KIF21B: variants seen among roughly 807,000 people sequenced by gnomAD.
The protein encoded by KIF21B is kinesin family member 21B.
A neutral mutation model predicts 192.9 loss-of-function variants in KIF21B; 85 were observed. The ratio of observed to expected loss-of-function variants is 0.44; its 90% CI spans 0.37 to 0.53. KIF21B has a LOEUF of 0.53. Ranked by LOEUF, KIF21B falls within the 20% of genes least tolerant of loss-of-function variation. The pLI is 0.00. For missense variants in KIF21B, 1,716 were observed against 2,194.8 expected (o/e 0.78, Z 4.36); for synonymous variants, 832 against 884.6 (o/e 0.94, Z 1.05).
At chr1:201,021,600 G>C (rs1286226490) in intron 1 of KIF21B, among the ~76,000 whole-genome samples, 3 of 152,210 alleles carry the variant, frequency 2.0e-5, no homozygotes, top group African/African-American at 7.2e-5. Flanking sequence ...GAGAACATCA[G>C]CTTCTCCTCA....
chr1:200,980,331 T>G (rs912382292), intron 29 of KIF21B, among the ~76,000 whole-genome samples: 10 of 152,332 alleles, frequency 6.6e-5, no homozygotes, highest in African/African-American at 2.4e-4. Flanking sequence ...CACAGCTCAC[T>G]GCAGCCTTGA....
chr1:201,003,257 C>T (rs903132106), intron 8 of KIF21B: 2 of 397,686 alleles, frequency 5.0e-6, no homozygotes, highest in African/African-American at 4.1e-5. Context: ...TCCAACACAA[C>T]ACATTCAGCA....
At position 200,981,057 on chromosome 1, in the gene KIF21B, C is replaced by G; in HGVS notation, c.3882G>C (p.Arg1294=). Residue 1294 remains arginine (R), a synonymous_variant, in exon 29 of 35, where the codon CGG becomes CGC. Transcript: ENST00000461742. ...ISPVGGAKGA[R]TAPLQCVSMA... is the part of the protein sequence containing the mutation. ...TGGAGACACACTGCAGTGGGGCCGT[C>G]CGTGCACCCTTGGCTCCTCCAACCG... The G allele has an allele frequency of 1.9e-6, 3 of 1,607,574 alleles. No homozygotes were observed. Among genetic ancestry groups the G allele is most frequent in the Non-Finnish European group, 2.5e-6 (3 of 1,177,706 alleles).
At chr1:200,983,455 G>A (rs1656085270) in intron 27 of KIF21B, among the ~76,000 whole-genome samples, 1 of 152,182 alleles carries the variant, frequency 6.6e-6, no homozygotes, top group Admixed American at 6.5e-5. Flanking sequence ...GGGGGCACCT[G>A]CCCCACCCCA....
chr1:201,000,380 C>A lies in KIF21B; in HGVS notation c.1685+10G>T. The stretch of plus-strand genomic sequence containing the variant: ...AGGGCTCTCAGGGGCGGGGACGACA[C>A]TCCACTCACCTCTTCCTCCGCTGCC... On this transcript the variant is annotated intron_variant, in intron 11 of 34. Transcript: ENST00000461742. The surrounding 1 kb of genome is among the most constrained non-coding windows in gnomAD (Gnocchi z 6.0). 6.5e-7 allele frequency: 1 copy of A among 1,543,906 alleles called. No homozygotes were observed. Among genetic ancestry groups the A allele is most frequent in the Non-Finnish European group, 8.7e-7 (1 of 1,155,120 alleles).
chr1:201,015,936 T>A (rs1471987892), intron 1 of KIF21B, among the ~76,000 whole-genome samples: 2 of 152,346 alleles, frequency 1.3e-5, no homozygotes, highest in East Asian at 3.9e-4. Flanking sequence ...TCTTGCCTTG[T>A]TCTACGTGTT....
chr1:201,009,524 G>A lies in KIF21B; in HGVS notation c.42-36C>T, dbSNP rs768134748. ...TGGAGAGAGCCCTGGGTCAGGCCCA[G>A]CTAGAAGGGGGCTGCCACAGGCCCC... On this transcript the variant is annotated intron_variant, in intron 1 of 34. Coordinates refer to ENST00000461742, the MANE Select transcript of KIF21B (RefSeq NM_001252102.2). The A allele has an allele frequency of 1.9e-6, 3 of 1,581,568 alleles. No homozygotes were observed. In the East Asian group the frequency reaches 6.7e-5, roughly 35 times the overall value.
At chr1:201,018,670 G>A (rs957957) in intron 1 of KIF21B, among the ~76,000 whole-genome samples, 85,029 of 152,048 alleles carry the variant, frequency 0.56, 26,173 homozygotes, top group African/African-American at 0.84. Flanking sequence ...TCCTCCATTT[G>A]CCACCTGTGT....
chr1:200,973,444 G>A lies in KIF21B; in HGVS notation c.*77C>T. ...GTCCCCAGAGCAGCTGGCCCCATCG[G>A]CCGGGTCACAGCTTCCCTTCCATGG... On this transcript the variant is annotated 3_prime_UTR_variant, in exon 35 of 35. Transcript: ENST00000461742. 1.9e-5 allele frequency: 26 copies of A among 1,376,326 alleles called. No homozygotes were observed. Among genetic ancestry groups the A allele is most frequent in the Non-Finnish European group, 2.4e-5 (26 of 1,072,582 alleles). The allele number at this position is 1,376,326 out of a possible 1,614,324, so 85.3% of individuals were successfully genotyped here. A position where few individuals can be genotyped will look rare whatever the true frequency, so the allele number is the denominator to read the frequency against.
Position 201,023,345 on chromosome 1 carries a change from G to A in KIF21B, c.39C>T (p.Val13=), listed in dbSNP as rs765402849. ...CCTTCCCCGCCCCGGGTCCCTACCT[G>A]ACGGCCACCTTGACGCAGCAGTCCC... ...GQGDCCVKVA[V]RIRPQLSKEK... The change falls in exon 1 of 35, where the codon GTC becomes GTT. Residue 13 remains valine (V), a splice_region_variant and synonymous_variant. Coordinates refer to ENST00000461742, the MANE Select transcript of KIF21B (RefSeq NM_001252102.2). This position sits in a 1 kb window ranked among gnomAD's most constrained non-coding sequence, Gnocchi z 5.9. 6.3e-4 allele frequency: 967 copies of A among 1,530,894 alleles called. No homozygotes were observed. The highest frequency in any genetic ancestry group is 1.4e-3 in the Admixed American group (68 of 49,380). 94.8% of individuals were successfully genotyped at this position (1,530,894 alleles called of 1,614,324 possible).
At chr1:200,985,027 C>T in intron 26 of KIF21B, 55 bp from the exon 27 acceptor site, 1 of 1,309,100 alleles carries the variant, frequency 7.6e-7, no homozygotes. Context: ...CCCACAGGCC[C>T]CTACTTGGTG....
chr1:201,013,511 C>T (rs1022576190), intron 1 of KIF21B, among the ~76,000 whole-genome samples: 1 of 152,152 alleles, frequency 6.6e-6, no homozygotes, highest in African/African-American at 2.4e-5. Flanking sequence ...TCAAGGATCT[C>T]TAAGGTCTTC....
Position 200,988,858 on chromosome 1 carries a change from C to A in KIF21B, c.3206G>T (p.Gly1069Val), listed in dbSNP as rs1235525526. 6.2e-7 allele frequency: 1 copy of A among 1,612,874 alleles called. No homozygotes were observed. The highest frequency in any genetic ancestry group is 8.5e-7 in the Non-Finnish European group (1 of 1,179,628). The change falls in exon 22 of 35, where the codon GGC (glycine) becomes GTC (valine). Residue 1069 changes from glycine to valine, a missense_variant. Physicochemically the swap from Gly to Val is moderately radical, Grantham distance 109 (BLOSUM62 -3). This residue lies in a region of KIF21B where 580 missense variants were observed against 775.5 expected (regional missense o/e 0.75). Coordinates refer to ENST00000461742, the MANE Select transcript of KIF21B (RefSeq NM_001252102.2). ...CAGGAGCAGATGGTTCTGGGAGGAG[C>A]CTGCCATATCCGTCTGCCTCAGTCG... ...EGRLRQTDMAGSSQNHLLLDA... is the reference protein window; with the variant it reads ...EGRLRQTDMAVSSQNHLLLDA...
chr1:201,007,528 A>G (rs1489383127), intron 3 of KIF21B, among the ~76,000 whole-genome samples: 2 of 151,530 alleles, frequency 1.3e-5, no homozygotes, highest in African/African-American at 4.9e-5. Context: ...ACAGAGACAC[A>G]CAGACACACA....
chr1:200,974,906 G>C lies in KIF21B; in HGVS notation c.4622C>G (p.Pro1541Arg). 1 of 1,613,652 alleles carries C rather than the reference G, an allele frequency of 6.2e-7. No homozygotes were observed. Among genetic ancestry groups the C allele is most frequent in the Non-Finnish European group, 8.5e-7 (1 of 1,179,976 alleles). ...LDQQELIQQI[P>R]NAHKDWVCAL... ...GCACACCCAGTCCTTGTGCGCATTG[G>C]GGATTTGCTGTGAGAGGATCAGGGC... The change falls in exon 34 of 35, where the codon CCC becomes CGC. Residue 1541 changes from proline to arginine, a missense_variant. Pro to Arg is a moderately radical substitution (Grantham distance 103). Around this residue, in one of 3 missense-constraint regions of KIF21B, gnomAD observed 580 missense variants for 775.5 expected, o/e 0.75. Coordinates refer to ENST00000461742, the MANE Select transcript of KIF21B (RefSeq NM_001252102.2).
At position 200,986,892 on chromosome 1, in the gene KIF21B, G is replaced by A. The variant is rs369653840; in HGVS notation, c.3641C>T (p.Thr1214Met). Residue 1214 changes from threonine to methionine, a missense_variant, in exon 26 of 35, where the codon ACG becomes ATG. Coordinates refer to ENST00000461742, the MANE Select transcript of KIF21B (RefSeq NM_001252102.2). ...GGACTTCCTTCTCGTCAGCGGGGAC[G>A]TCTCTGTGGCTCGAGATTGCCTAGG... ...TFPRQSRATE[T>M]SPLTRRKSYD... 4.3e-5 allele frequency: 70 copies of A among 1,613,832 alleles called. No homozygotes were observed. Among genetic ancestry groups the A allele is most frequent in the Admixed American group, 1.2e-4 (7 of 59,980 alleles).
intron 26 of KIF21B, among the ~76,000 whole-genome samples, chr1:200,985,786 C>T (rs1272958300): frequency 2.3e-5 from 2 of 87,310 alleles, no homozygotes; most frequent in Non-Finnish European, 4.5e-5. Context: ...TCCCCTTCCC[C>T]CTCCCCTCCC....
intron 24 of KIF21B, among the ~76,000 whole-genome samples, chr1:200,987,994 G>C: frequency 6.6e-6 from 1 of 152,244 alleles, no homozygotes; most frequent in South Asian, 2.1e-4. Context: ...GTGGGGGAAA[G>C]GGGATATTTT....
chr1:200,973,353 G>C lies in KIF21B; in HGVS notation c.*168C>G. 1.3e-6 allele frequency: 1 copy of C among 758,106 alleles called. No individual in the cohort carries two copies. Among genetic ancestry groups the C allele is most frequent in the Non-Finnish European group, 1.9e-6 (1 of 530,754 alleles). The allele number at this position is 758,106 out of a possible 1,614,324, so 47.0% of individuals were successfully genotyped here. A position where few individuals can be genotyped will look rare whatever the true frequency, so the allele number is the denominator to read the frequency against. On this transcript the variant is annotated 3_prime_UTR_variant, in exon 35 of 35. Transcript: ENST00000461742. ...CTCCTGAGAGGCAGGGGAGGGATGA[G>C]GGAACAGTGTCCTGTGGGAAGGCCA... is the stretch of plus-strand genomic sequence containing the variant.
Sources: gnomAD v4.1 joint callset for allele counts (sites outside exome capture counted in the v4.1 genomes callset) on GRCh38, gnomAD v4.1.1 for gene constraint, gnomAD v4.1.1 regional missense constraint, Gnocchi (gnomAD v3.1) non-coding constraint, MANE v1.5 for transcripts, NCBI Gene and HGNC (gene_info 2026-07-23, HGNC 2026-07-21) for gene names.